Variants in EPHB1 observed in about 807,000 individuals in gnomAD.
The protein encoded by EPHB1 is EPH receptor B1.
Under a neutral mutation model 94.4 loss-of-function variants are expected in EPHB1, and 30 were observed. That is an observed-to-expected ratio of 0.32 (90% confidence interval 0.24 to 0.43). The LOEUF (loss-of-function observed/expected upper bound fraction) is 0.43. Among genes scored for constraint, EPHB1 ranks in the 20% least tolerant of loss-of-function variants. The probability of loss-of-function intolerance (pLI) is 1.00; values close to 1 mark genes in which losing one functional copy is unlikely to be tolerated. For missense variants in EPHB1, 1,055 were observed against 1,308.3 expected (o/e 0.81, Z 2.99); for synonymous variants, 522 against 489.1 (o/e 1.07, Z -0.89).
intron 12 of EPHB1, among the ~76,000 whole-genome samples, chr3:135,201,896 G>A (rs879827258): frequency 2.0e-5 from 3 of 152,120 alleles, no homozygotes; most frequent in Non-Finnish European, 4.4e-5. Context: ...ATTTGGGCTT[G>A]GACTGTGAGG....
In EPHB1 at chr3:134,819,894, G is replaced by A. The variant is rs541760916; in HGVS notation, c.58+24205G>A. Among the ~76,000 whole-genome samples, 17 of 152,202 alleles carry A rather than the reference G, an allele frequency of 1.1e-4. 3 individuals are homozygous for A. The South Asian group carries it at 3.5e-3, about 32-fold the overall frequency. On this transcript the variant is annotated intron_variant, in intron 1 of 15. Transcript: ENST00000398015. ...CTTGCTTGGGTGGGCCCAGCGCAGG[G>A]GACACATGGACACCTGTCATGCCAA...
chr3:135,208,041 A>G lies in EPHB1; in HGVS notation c.2346+6352A>G, dbSNP rs1942943531. 2.0e-5 allele frequency among the ~76,000 whole-genome samples: 3 copies of G among 152,188 alleles called. No homozygotes were observed. The South Asian group carries it at 6.2e-4, about 32-fold the overall frequency. On this transcript the variant is annotated intron_variant, in intron 12 of 15. Transcript: ENST00000398015. ...ATATGAATTTGGGGGACACATAAAC[A>G]TTCAATCTACAGCATTCTGCCCCAA...
At position 134,951,490 on chromosome 3, in the gene EPHB1, G is replaced by A. The variant is rs1227168679; in HGVS notation, c.243G>A (p.Gly81=). The change falls in exon 3 of 16, where the codon GGG becomes GGA. Residue 81 remains glycine, a synonymous_variant. Coordinates refer to ENST00000398015, the MANE Select transcript of EPHB1 (RefSeq NM_004441.5). The surrounding 1 kb of genome is among the most constrained non-coding windows in gnomAD (Gnocchi z 4.5). ...TCACCACCTTCATCAACCGGCGGGG[G>A]GCCCATCGCATCTACACAGAGATGC... is the stretch of plus-strand genomic sequence containing the variant. The part of the protein sequence containing the change: ...WLLTTFINRR[G]AHRIYTEMRF... The A allele has an allele frequency of 2.5e-6, 4 of 1,612,730 alleles. No individual in the cohort carries two copies. The highest frequency in any genetic ancestry group is 2.7e-5 in the African/African-American group (2 of 74,618).
At chr3:135,238,900 C>G (rs1309602940) in intron 12 of EPHB1, among the ~76,000 whole-genome samples, 1 of 152,238 alleles carries the variant, frequency 6.6e-6, no homozygotes, top group African/African-American at 2.4e-5. Flanking sequence ...CAACACACAA[C>G]TTGGGGTCTC....
intron 4 of EPHB1, among the ~76,000 whole-genome samples, chr3:135,130,214 G>C (rs181228902): frequency 1.3e-3 from 193 of 152,094 alleles, no homozygotes; most frequent in African/African-American, 3.3e-3. Flanking sequence ...TAGAGAGGAA[G>C]GAACATGTCT....
At chr3:135,039,074 C>G (rs1223494327) in intron 3 of EPHB1, among the ~76,000 whole-genome samples, 6 of 152,138 alleles carry the variant, frequency 3.9e-5, no homozygotes, top group Admixed American at 6.5e-5. Context: ...CAGCTAGATA[C>G]AGAGTGTCGA....
At chr3:135,168,305 A>G (rs1941706734) in intron 9 of EPHB1, among the ~76,000 whole-genome samples, 1 of 152,182 alleles carries the variant, frequency 6.6e-6, no homozygotes, top group Non-Finnish European at 1.5e-5. Context: ...AGCCCCTACC[A>G]TCAGCAGCCC....
intron 3 of EPHB1, among the ~76,000 whole-genome samples, chr3:134,995,554 GA>G (rs1167892783): frequency 9.9e-5 from 15 of 152,106 alleles, no homozygotes; most frequent in African/African-American, 3.4e-4. Flanking sequence ...TTAGCCATTA[GA>G]AAAGTACAAA....
At chr3:135,228,768 G>T (rs1201733845) in intron 12 of EPHB1, among the ~76,000 whole-genome samples, 3 of 71,870 alleles carry the variant, frequency 4.2e-5, no homozygotes, top group African/African-American at 9.7e-5. Flanking sequence ...ACCCTTGGCT[G>T]ACAGGGACTC....
chr3:135,234,630 G>A (rs1943606017), intron 12 of EPHB1, among the ~76,000 whole-genome samples: 1 of 152,300 alleles, frequency 6.6e-6, no homozygotes, highest in Middle Eastern at 3.4e-3. Flanking sequence ...AAGGAAAGAG[G>A]TTTAATTGAC....
intron 15 of EPHB1, among the ~76,000 whole-genome samples, chr3:135,249,921 G>A (rs1232596271): frequency 6.6e-6 from 1 of 152,202 alleles, no homozygotes; most frequent in Non-Finnish European, 1.5e-5. Context: ...TTGTCAACAA[G>A]CATGCATTTC....
rs147269819 is a variant in EPHB1 at position 135,017,185 on chromosome 3, C to T, written c.805+65133C>T. Among the ~76,000 whole-genome samples, 922 of 152,288 alleles carry T rather than the reference C, an allele frequency of 6.1e-3. 8 individuals are homozygous for T. Among genetic ancestry groups the T allele is most frequent in the Middle Eastern group, 0.034 (10 of 294 alleles). On this transcript the variant is annotated intron_variant, in intron 3 of 15. Transcript: ENST00000398015. ...GTGCAGGGTCTGTGTCACCAAGCACCGCCTTCACTGCTGGGCTGGCAGTGA... is the reference window on the plus strand; with the variant it reads ...GTGCAGGGTCTGTGTCACCAAGCACTGCCTTCACTGCTGGGCTGGCAGTGA...
At chr3:134,975,810 C>T (rs1415798070) in intron 3 of EPHB1, among the ~76,000 whole-genome samples, 1 of 151,790 alleles carries the variant, frequency 6.6e-6, no homozygotes, top group Non-Finnish European at 1.5e-5. Flanking sequence ...AACATCTTGC[C>T]TCCTAAAGGG....
intron 6 of EPHB1, 85 bp downstream of exon 6, chr3:135,154,361 A>T (rs1481982833): frequency 2.9e-5 from 46 of 1,572,902 alleles, no homozygotes; most frequent in Non-Finnish European, 3.6e-5. Context: ...CACAAAGGAG[A>T]TAGGCTGCTG....
chr3:135,134,108 C>T (rs1302395402), intron 5 of EPHB1, among the ~76,000 whole-genome samples: 1 of 152,226 alleles, frequency 6.6e-6, no homozygotes, highest in Non-Finnish European at 1.5e-5. Context: ...CCGTGCAAGG[C>T]TGCAGAGGGG....
intron 7 of EPHB1, among the ~76,000 whole-genome samples, chr3:135,164,901 A>G (rs1006943384): frequency 6.6e-6 from 1 of 152,134 alleles, no homozygotes; most frequent in Non-Finnish European, 1.5e-5. Context: ...GACAAACAAA[A>G]ATTATGTTTT....
rs141770853 is a variant in EPHB1 at position 135,017,662 on chromosome 3, T to A, written c.805+65610T>A. Among the ~76,000 whole-genome samples the A allele has an allele frequency of 4.7e-3, 717 of 152,276 alleles. 10 individuals are homozygous for A. Among genetic ancestry groups the A allele is most frequent in the African/African-American group, 0.016 (660 of 41,564 alleles). ...CACTCCTTTTCTATGCTGCCTCCTA[T>A]GCTCCCCTCCCTGTGGGACTGGCCT... is the stretch of plus-strand genomic sequence containing the variant. On this transcript the variant is annotated intron_variant, in intron 3 of 15. Transcript: ENST00000398015.
chr3:135,192,517 C>A (rs1008391955), intron 10 of EPHB1, 59 bp from the exon 11 acceptor site: 20 of 1,583,156 alleles, frequency 1.3e-5, no homozygotes, highest in Admixed American at 1.2e-4. Context: ...AGATGACTTC[C>A]CTCTTGAGTC....
At chr3:134,796,002 G>A (rs2035818736) in intron 1 of EPHB1, 2 of 464,492 alleles carry the variant, frequency 4.3e-6, no homozygotes, top group Non-Finnish European at 7.6e-6. Flanking sequence ...GCATTGCGGT[G>A]CATGCTCCTT....
Sources: allele counts gnomAD v4.1 joint callset (sites outside exome capture counted in the v4.1 genomes callset), GRCh38; gene constraint gnomAD v4.1.1; non-coding constraint Gnocchi (gnomAD v3.1); transcripts MANE v1.5; gene names NCBI Gene and HGNC (gene_info 2026-07-23, HGNC 2026-07-21).